PALLD: variants seen among roughly 807,000 people sequenced by gnomAD.
The protein encoded by PALLD is palladin.
In PALLD, 61 loss-of-function variants were observed where a neutral mutation model predicts 123.5. The ratio of observed to expected loss-of-function variants is 0.49; its 90% CI spans 0.40 to 0.61. The LOEUF is 0.61. PALLD is among the 20% of genes least tolerant of loss of function. The pLI is 0.00. For synonymous variants in PALLD, 465 were observed against 496.4 expected, an observed-to-expected ratio of 0.94 and a Z score of 0.84; for missense variants, 1,273 against 1,377.0, an observed-to-expected ratio of 0.92 and a Z score of 1.20.
At chr4:168,811,599 A>G (rs1024494390) in intron 10 of PALLD, among the ~76,000 whole-genome samples, 1 of 152,100 alleles carries the variant, frequency 6.6e-6, no homozygotes, top group African/African-American at 2.4e-5. Context: ...AGCCGGGCAT[A>G]GTGGCATGTG....
At chr4:168,563,306 C>CATA (rs1217051110) in intron 2 of PALLD, among the ~76,000 whole-genome samples, 2 of 152,150 alleles carry the variant, frequency 1.3e-5, no homozygotes, top group Non-Finnish European at 2.9e-5. Context: ...AAGTGGCTTA[C>CATA]ATAAGGCAGT....
chr4:168,601,610 G>A (rs186478603), intron 2 of PALLD, among the ~76,000 whole-genome samples: 61 of 151,480 alleles, frequency 4.0e-4, no homozygotes, highest in African/African-American at 1.4e-3. Flanking sequence ...TTCCTGATCT[G>A]TATTAAAAAA....
intron 10 of PALLD, among the ~76,000 whole-genome samples, chr4:168,830,490 A>G (rs1005762073): frequency 6.6e-6 from 1 of 151,966 alleles, no homozygotes; most frequent in African/African-American, 2.4e-5. Context: ...TGACTGCACC[A>G]CTGCACTTCA....
At position 168,579,576 on chromosome 4, in the gene PALLD, TTAAAA is replaced by T. The variant is rs776721659; in HGVS notation, c.908+67169_908+67173del. On this transcript the variant is annotated intron_variant, in intron 2 of 21. Transcript: ENST00000505667. ...ACGGAAAAGGTCTAGGTCAATGTTC[TTAAAA>T]TAAATATTTAAAGGAAAATTAACAA... is the stretch of plus-strand genomic sequence containing the variant. Among the ~76,000 whole-genome samples the T allele has an allele frequency of 2.8e-3, 420 of 152,120 alleles. 2 individuals are homozygous for T. The highest frequency in any genetic ancestry group is 9.4e-3 in the African/African-American group (391 of 41,492).
chr4:168,671,922 A>G (rs1780324478), intron 3 of PALLD, among the ~76,000 whole-genome samples: 2 of 152,210 alleles, frequency 1.3e-5, no homozygotes, highest in South Asian at 4.1e-4. Context: ...ACAACCTACA[A>G]ATTAGAAACT....
At chr4:168,572,203 T>G (rs1026933521) in intron 2 of PALLD, among the ~76,000 whole-genome samples, 1 of 152,146 alleles carries the variant, frequency 6.6e-6, no homozygotes, top group African/African-American at 2.4e-5. Flanking sequence ...CCTTAAGCAC[T>G]GCCTCATCAC....
rs568195582 is a variant in PALLD, at chr4:168,532,767, G to A, written c.908+20355G>A. Among the ~76,000 whole-genome samples, 12 of 152,220 alleles carry A rather than the reference G, an allele frequency of 7.9e-5. No individual in the cohort carries two copies. The East Asian group carries it at 9.6e-4, about 12-fold the overall frequency. ...GAGGGAGATTCATGGAGGCCAAGGT[G>A]CATTCAGTAGAATTCCATAAGAAGA... On this transcript the variant is annotated intron_variant, in intron 2 of 21. Coordinates refer to ENST00000505667, the MANE Select transcript of PALLD (RefSeq NM_001166108.2).
chr4:168,519,507 C>T (rs1476503064), intron 2 of PALLD, among the ~76,000 whole-genome samples: 2 of 106,596 alleles, frequency 1.9e-5, no homozygotes, highest in Non-Finnish European at 3.7e-5. Context: ...TATTTTAGAG[C>T]TTTTTAAAAT....
intron 1 of PALLD, among the ~76,000 whole-genome samples, chr4:168,503,185 A>C (rs1036555246): frequency 6.6e-6 from 1 of 152,240 alleles, no homozygotes. Context: ...GAATGAGGAA[A>C]GCATTCTCTA....
At chr4:168,828,046 A>C (rs1743666865) in intron 10 of PALLD, among the ~76,000 whole-genome samples, 1 of 152,104 alleles carries the variant, frequency 6.6e-6, no homozygotes, top group Non-Finnish European at 1.5e-5. Flanking sequence ...GTCTCAAAAC[A>C]ACAACAACAA....
chr4:168,506,873 G>T (rs1762059920), intron 1 of PALLD, among the ~76,000 whole-genome samples: 1 of 152,168 alleles, frequency 6.6e-6, no homozygotes, highest in African/African-American at 2.4e-5. Flanking sequence ...AAATCAAAAG[G>T]ACATGTACTG....
chr4:168,717,770 G>A (rs1308729756), intron 10 of PALLD, among the ~76,000 whole-genome samples: 1 of 152,180 alleles, frequency 6.6e-6, no homozygotes, highest in Non-Finnish European at 1.5e-5. Context: ...AACCAAATGA[G>A]TATGAAGAAT....
intron 10 of PALLD, among the ~76,000 whole-genome samples, chr4:168,838,610 A>G (rs1433238099): frequency 7.0e-6 from 1 of 143,140 alleles, no homozygotes; most frequent in Non-Finnish European, 1.5e-5. Flanking sequence ...TCCACAGTAT[A>G]TTGGAGATCA....
chr4:168,814,333 G>T (rs2150757287), intron 10 of PALLD, among the ~76,000 whole-genome samples: 1 of 152,200 alleles, frequency 6.6e-6, no homozygotes, highest in South Asian at 2.1e-4. Context: ...TTTGCACTAA[G>T]AATTGAAATT....
At chr4:168,725,785 C>T (rs1241088793) in intron 10 of PALLD, among the ~76,000 whole-genome samples, 1 of 152,110 alleles carries the variant, frequency 6.6e-6, no homozygotes, top group Non-Finnish European at 1.5e-5. Flanking sequence ...CTCGGCCTCC[C>T]AAAGTGCTGG....
chr4:168,904,224 C>A, intron 15 of PALLD: 1 of 303,424 alleles, frequency 3.3e-6, no homozygotes, highest in African/African-American at 2.1e-5. Flanking sequence ...AAGCAATTAA[C>A]AAATAATATA....
chr4:168,893,448 G>A (rs1198646878), intron 11 of PALLD, among the ~76,000 whole-genome samples: 3 of 152,078 alleles, frequency 2.0e-5, no homozygotes, highest in African/African-American at 7.2e-5. Flanking sequence ...GTTTCAGCTG[G>A]GATTGAGATC....
At chr4:168,631,870 G>GT (rs1316836109) in intron 2 of PALLD, 1 of 985,424 alleles carries the variant, frequency 1.0e-6, no homozygotes, top group African/African-American at 1.7e-5. Context: ...TTGTTTGGGA[G>GT]TGGGGGCAGA....
intron 2 of PALLD, among the ~76,000 whole-genome samples, chr4:168,609,061 T>C (rs1773475457): frequency 1.3e-5 from 2 of 152,100 alleles, no homozygotes; most frequent in Non-Finnish European, 2.9e-5. Context: ...AATTGGGTGA[T>C]CTGGAGTTGT....
Sources: allele counts gnomAD v4.1 joint callset (sites outside exome capture counted in the v4.1 genomes callset), GRCh38; gene constraint gnomAD v4.1.1; transcripts MANE v1.5; gene names NCBI Gene and HGNC (gene_info 2026-07-23, HGNC 2026-07-21).